Variants in FGF12 observed in about 807,000 individuals in gnomAD.
FGF12 encodes the protein fibroblast growth factor 12B.
Under a neutral mutation model 23.6 loss-of-function variants are expected in FGF12, and 14 were observed. The ratio of observed to expected loss-of-function variants is 0.59; its 90% CI spans 0.39 to 0.93. The LOEUF (loss-of-function observed/expected upper bound fraction) is 0.93, where lower values mean the gene tolerates loss of function less well. Among genes scored for constraint, FGF12 ranks in the 40% least tolerant of loss-of-function variants. The pLI is 0.00. For synonymous variants in FGF12, 62 were observed against 77.3 expected, an observed-to-expected ratio of 0.80 and a Z score of 1.04; for missense variants, 175 against 217.8, an observed-to-expected ratio of 0.80 and a Z score of 1.24.
chr3:192,626,690 G>A (rs1228441183), intron 2 of FGF12, among the ~76,000 whole-genome samples: 1 of 152,122 alleles, frequency 6.6e-6, no homozygotes, highest in Non-Finnish European at 1.5e-5. Flanking sequence ...ATAGCTCCCT[G>A]CAGCCTCCAA....
chr3:192,698,926 A>G (rs78421984), intron 2 of FGF12, among the ~76,000 whole-genome samples: 6,167 of 152,152 alleles, frequency 0.041, 432 homozygotes, highest in African/African-American at 0.14. Context: ...GTTCACTTCC[A>G]TTTTCAGTAT....
At chr3:192,268,632 A>G (rs1239230921) in intron 4 of FGF12, 2 of 426,960 alleles carry the variant, frequency 4.7e-6, no homozygotes, top group Non-Finnish European at 4.7e-6. Context: ...ATTGCTCCTG[A>G]TTTTGCCATG....
At chr3:192,569,297 A>C (rs1712485226) in intron 2 of FGF12, among the ~76,000 whole-genome samples, 1 of 152,208 alleles carries the variant, frequency 6.6e-6, no homozygotes, top group Non-Finnish European at 1.5e-5. Flanking sequence ...TGCTTCATCT[A>C]ATGAATGTTT....
At chr3:192,319,529 G>A (rs1282406095) in intron 4 of FGF12, among the ~76,000 whole-genome samples, 1 of 152,036 alleles carries the variant, frequency 6.6e-6, no homozygotes, top group African/African-American at 2.4e-5. Flanking sequence ...CCTGGGAGGC[G>A]GAGGTTGCAG....
chr3:192,663,403 G>T (rs557577187), intron 2 of FGF12, among the ~76,000 whole-genome samples: 1 of 152,260 alleles, frequency 6.6e-6, no homozygotes, highest in East Asian at 1.9e-4. Context: ...GCACATAGTA[G>T]AATCTCAATA....
chr3:192,487,215 A>T (rs1723662526), intron 2 of FGF12, among the ~76,000 whole-genome samples: 1 of 152,076 alleles, frequency 6.6e-6, no homozygotes, highest in East Asian at 1.9e-4. Flanking sequence ...AGCTAGATGC[A>T]TTTATTATTT....
intron 2 of FGF12, among the ~76,000 whole-genome samples, chr3:192,650,024 A>T (rs1024493417): frequency 1.3e-5 from 2 of 152,218 alleles, no homozygotes; most frequent in African/African-American, 4.8e-5. Context: ...GCAACATGCA[A>T]ACCTGTTCTC....
At chr3:192,433,014 T>C (rs1176903040) in intron 2 of FGF12, among the ~76,000 whole-genome samples, 1 of 152,172 alleles carries the variant, frequency 6.6e-6, no homozygotes, top group Non-Finnish European at 1.5e-5. Context: ...ATGGTACCCT[T>C]CAGATCGTCA....
At chr3:192,677,891 G>C (rs1717385853) in intron 2 of FGF12, among the ~76,000 whole-genome samples, 1 of 152,166 alleles carries the variant, frequency 6.6e-6, no homozygotes, top group South Asian at 2.1e-4. Context: ...GGAAACACTG[G>C]AGTCATTTCC....
At chr3:192,561,586 T>C (rs1712034439) in intron 2 of FGF12, among the ~76,000 whole-genome samples, 1 of 152,076 alleles carries the variant, frequency 6.6e-6, no homozygotes, top group South Asian at 2.1e-4. Context: ...ATAGTCTCGA[T>C]CTCCTGACCT....
In FGF12 at chr3:192,561,563, C is replaced by T. The variant is rs189860617; in HGVS notation, c.13+165618G>A. On this transcript the variant is annotated intron_variant, in intron 2 of 5. Coordinates refer to ENST00000445105, the MANE Select transcript of FGF12 (RefSeq NM_004113.6). ...ATTTTTAGTAGAGATGGGGTTTCAC[C>T]GTGTTAGCCAGGATAGTCTCGATCT... Among the ~76,000 whole-genome samples, 553 of 152,122 alleles carry T rather than the reference C, an allele frequency of 3.6e-3. 1 individual carries two copies. The highest frequency in any genetic ancestry group is 5.8e-3 in the South Asian group (28 of 4,816).
intron 4 of FGF12, among the ~76,000 whole-genome samples, chr3:192,234,191 T>C (rs1364353262): frequency 1.3e-5 from 2 of 152,210 alleles, no homozygotes. Flanking sequence ...TCCATGGGCA[T>C]TGAATGTTTT....
intron 3 of FGF12, among the ~76,000 whole-genome samples, chr3:192,339,227 AG>A (rs1717570096): frequency 6.6e-6 from 1 of 152,186 alleles, no homozygotes; most frequent in Non-Finnish European, 1.5e-5. Flanking sequence ...AAGTCCCAAA[AG>A]GTGGCAAATG....
intron 5 of FGF12, among the ~76,000 whole-genome samples, chr3:192,168,115 A>ATT: frequency 6.6e-6 from 1 of 151,796 alleles, no homozygotes; most frequent in South Asian, 2.1e-4. Flanking sequence ...TATAAAGGGC[A>ATT]TTATCCGTAA....
intron 2 of FGF12, among the ~76,000 whole-genome samples, chr3:192,668,129 GC>G (rs1716964764): frequency 6.6e-6 from 1 of 151,592 alleles, no homozygotes; most frequent in Non-Finnish European, 1.5e-5. Context: ...GGTAGAAATG[GC>G]AGATTAAGCA....
intron 2 of FGF12, among the ~76,000 whole-genome samples, chr3:192,622,793 C>T (rs145243954): frequency 6.6e-6 from 1 of 152,268 alleles, no homozygotes; most frequent in Non-Finnish European, 1.5e-5. Context: ...CACTTACACA[C>T]AGACACAGAC....
intron 2 of FGF12, among the ~76,000 whole-genome samples, chr3:192,622,673 T>C (rs965866790): frequency 6.6e-6 from 1 of 152,194 alleles, no homozygotes; most frequent in African/African-American, 2.4e-5. Context: ...GAACATTAAA[T>C]ATGATCATGG....
intron 2 of FGF12, among the ~76,000 whole-genome samples, chr3:192,645,275 G>A (rs1283962876): frequency 6.6e-6 from 1 of 152,128 alleles, no homozygotes; most frequent in Non-Finnish European, 1.5e-5. Flanking sequence ...GGTGAGGCAA[G>A]TTAGGAGGAT....
intron 2 of FGF12, among the ~76,000 whole-genome samples, chr3:192,621,767 G>A (rs1714985473): frequency 2.7e-5 from 4 of 148,708 alleles, no homozygotes; most frequent in Admixed American, 2.7e-4. Flanking sequence ...GTTGCTCTCA[G>A]AACCAGAAGG....
Sources: gnomAD v4.1 joint callset for allele counts (sites outside exome capture counted in the v4.1 genomes callset) on GRCh38, gnomAD v4.1.1 for gene constraint, MANE v1.5 for transcripts, NCBI Gene and HGNC (gene_info 2026-07-23, HGNC 2026-07-21) for gene names.